SYNE1: variants seen among roughly 807,000 people sequenced by gnomAD.
SYNE1 encodes the protein spectrin repeat containing nuclear envelope protein 1.
In SYNE1, 616 loss-of-function variants were observed where a neutral mutation model predicts 1,111.0. The ratio of observed to expected loss-of-function variants is 0.55; its 90% confidence interval spans 0.52 to 0.59. The LOEUF (loss-of-function observed/expected upper bound fraction) is 0.59, where lower values mean the gene tolerates loss of function less well. Among genes scored for constraint, SYNE1 ranks in the 20% least tolerant of loss-of-function variants. The probability of loss-of-function intolerance (pLI) is 0.00; values close to 1 mark genes in which losing one functional copy is unlikely to be tolerated. For synonymous variants in SYNE1, 3,855 were observed against 3,825.8 expected (o/e 1.01, Z -0.28); for missense variants, 10,006 against 10,417.0 (o/e 0.96, Z 1.72).
At chr6:152,405,609 T>C (rs187121869) in intron 45 of SYNE1, among the ~76,000 whole-genome samples, 29 of 152,380 alleles carry the variant, frequency 1.9e-4, no homozygotes, top group Admixed American at 1.7e-3. Context: ...TAATAATGGT[T>C]GTTTTTAACA....
intron 82 of SYNE1, among the ~76,000 whole-genome samples, chr6:152,323,264 C>T (rs368645925): frequency 6.6e-5 from 10 of 152,110 alleles, no homozygotes; most frequent in African/African-American, 2.4e-4. Flanking sequence ...CGGTGAAACC[C>T]CGTCTCTACT....
intron 4 of SYNE1, among the ~76,000 whole-genome samples, chr6:152,539,210 T>C (rs79135724): frequency 0.03 from 4,597 of 152,262 alleles, 256 homozygotes; most frequent in African/African-American, 0.1. Flanking sequence ...ACTTCCACTA[T>C]ATAATCATAT....
In SYNE1 at chr6:152,207,969, T is replaced by C; in HGVS notation, c.22824+3A>G. On this transcript the variant is annotated splice_donor_region_variant and intron_variant, in intron 125 of 145. Coordinates refer to ENST00000367255, the MANE Select transcript of SYNE1 (RefSeq NM_182961.4). ...TGTGAGAACACTGTGTTTTGCATCT[T>C]ACCTGCACTTCATCAAAGAGGGTCC... The C allele has an allele frequency of 6.2e-7, 1 of 1,614,120 alleles. No homozygotes were observed. Among genetic ancestry groups the C allele is most frequent in the Non-Finnish European group, 8.5e-7 (1 of 1,179,962 alleles).
rs756229240 is a variant in SYNE1, at chr6:152,442,080, T to C, written c.4003A>G (p.Ile1335Val). 1 of 1,614,116 alleles carries C rather than the reference T, an allele frequency of 6.2e-7. No homozygotes were observed. The highest frequency in any genetic ancestry group is 1.1e-5 in the South Asian group (1 of 91,080). Residue 1335 changes from isoleucine to valine, a missense_variant, in exon 31 of 146, where the codon ATC (isoleucine) becomes GTC (valine). Ile to Val is a conservative substitution (Grantham distance 29). Around this residue, in one of 7 missense-constraint regions of SYNE1, gnomAD observed 1,971 missense variants for 2,084.1 expected, o/e 0.95. Coordinates refer to ENST00000367255, the MANE Select transcript of SYNE1 (RefSeq NM_182961.4). ...ERSRERQERR[I>V]QVTLRKWERF... ...CCCTAACTTCCGGCTCCTACCTGGATGCGGCGTTCCTGCCTCTCCCGGCTG... is the reference window on the plus strand; with the variant it reads ...CCCTAACTTCCGGCTCCTACCTGGACGCGGCGTTCCTGCCTCTCCCGGCTG...
chr6:152,155,820 C>A, intron 132 of SYNE1, 90 bp downstream of exon 132: 1 of 1,510,798 alleles, frequency 6.6e-7, no homozygotes, highest in South Asian at 1.2e-5. Flanking sequence ...TTGTAACGAA[C>A]AGGAAAGAGT....
At position 152,121,732 on chromosome 6, in the gene SYNE1, A is replaced by C. The variant is rs1429831383; in HGVS notation, c.*704T>G. On this transcript the variant is annotated 3_prime_UTR_variant, in exon 146 of 146. Coordinates refer to ENST00000367255, the MANE Select transcript of SYNE1 (RefSeq NM_182961.4). ...AAATGCAAAGAAATCAATACAAACA[A>C]AACTTGGCTTTAGCAAACTGTACAT... 1 of 152,286 alleles carries C rather than the reference A, an allele frequency of 6.6e-6. No individual in the cohort carries two copies. The highest frequency in any genetic ancestry group is 1.5e-5 in the Non-Finnish European group (1 of 68,042). 9.4% of individuals were successfully genotyped at this position (152,286 alleles called of 1,614,324 possible). A position where few individuals can be genotyped will look rare whatever the true frequency, so the allele number is the denominator to read the frequency against.
rs755075698 is a variant in SYNE1, at chr6:152,364,998, C to T, written c.9994G>A (p.Glu3332Lys). 16 of 1,614,218 alleles carry T rather than the reference C, an allele frequency of 9.9e-6. No individual in the cohort carries two copies. Among genetic ancestry groups the T allele is most frequent in the Middle Eastern group, 3.3e-4 (2 of 6,062 alleles). Residue 3332 changes from glutamate to lysine, a missense_variant, in exon 63 of 146, where the codon GAA (glutamate) becomes AAA (lysine). Physicochemically the swap from Glu to Lys is moderately conservative, Grantham distance 56. Transcript: ENST00000367255. ...ATCATTTTCATCTGAATCTCTTTTT[C>T]CTGTTTGACTGATAATAGAGCCTGT... ...KLEALLSVKQEKEIQMKMIVT... is the reference protein window; with the variant it reads ...KLEALLSVKQKKEIQMKMIVT...
At chr6:152,478,385 T>C (rs922228610) in intron 14 of SYNE1, 4 of 152,168 alleles carry the variant, frequency 2.6e-5, no homozygotes, top group African/African-American at 9.7e-5. Context: ...TGTATGTGGA[T>C]GAGTAAACTC....
chr6:152,609,831 G>A (rs920866651), intron 3 of SYNE1, among the ~76,000 whole-genome samples: 3 of 152,162 alleles, frequency 2.0e-5, no homozygotes, highest in African/African-American at 7.2e-5. Flanking sequence ...TCCAGCCTCT[G>A]CTGGTAAAAC....
At chr6:152,453,316 C>T in intron 25 of SYNE1, 1 of 599,106 alleles carries the variant, frequency 1.7e-6, no homozygotes, top group Non-Finnish European at 2.9e-6. Context: ...GTTAAATGTT[C>T]TTGCACCCTG....
chr6:152,294,218 T>G (rs533787920), intron 93 of SYNE1, 91 bp from the exon 94 acceptor site: 1 of 1,125,486 alleles, frequency 8.9e-7, no homozygotes, highest in African/African-American at 2.1e-5. Flanking sequence ...CAAGGAAAGG[T>G]TTCAGATCTA....
At chr6:152,585,284 C>A (rs962854027) in intron 3 of SYNE1, among the ~76,000 whole-genome samples, 1 of 152,202 alleles carries the variant, frequency 6.6e-6, no homozygotes, top group Non-Finnish European at 1.5e-5. Context: ...ATTACCCAGT[C>A]TCAGGTATGT....
intron 2 of SYNE1, among the ~76,000 whole-genome samples, chr6:152,634,797 C>CT (rs548149188): frequency 7.2e-5 from 11 of 152,352 alleles, no homozygotes; most frequent in Non-Finnish European, 1.6e-4. Flanking sequence ...CTGCAACCTT[C>CT]TTTTTTTCCC....
intron 104 of SYNE1, among the ~76,000 whole-genome samples, chr6:152,250,050 G>T (rs2153595238): frequency 6.6e-6 from 1 of 151,978 alleles, no homozygotes; most frequent in East Asian, 1.9e-4. Flanking sequence ...ATCACTTGAG[G>T]CCAGGAGTTC....
Position 152,387,174 on chromosome 6 carries a change from C to T in SYNE1, c.8385G>A (p.Ala2795=), listed in dbSNP as rs267600863. Residue 2795 remains alanine, a synonymous_variant, in exon 54 of 146, where the codon GCG becomes GCA. Transcript: ENST00000367255. The part of the protein sequence containing the change: ...DHTRALHRLI[A]KSRELYEKTE... ...TCTTTTCGTAGAGCTCCCTGGACTT[C>T]GCAATTAGACGGTGAAGGGCTCTCG... 12 of 1,614,006 alleles carry T rather than the reference C, an allele frequency of 7.4e-6. No homozygotes were observed. Among genetic ancestry groups the T allele is most frequent in the South Asian group, 4.4e-5 (4 of 91,090 alleles).
intron 3 of SYNE1, among the ~76,000 whole-genome samples, chr6:152,578,071 G>C (rs933337420): frequency 6.6e-6 from 1 of 151,374 alleles, no homozygotes. Flanking sequence ...AGCAAAAATG[G>C]TTTTTTTTGC....
chr6:152,480,323 C>T (rs1239970988), intron 14 of SYNE1, among the ~76,000 whole-genome samples: 54 of 151,994 alleles, frequency 3.6e-4, no homozygotes, highest in Non-Finnish European at 5.9e-5. Context: ...GAGTTCAAGG[C>T]CAGCCTGGCC....
At position 152,331,825 on chromosome 6, in the gene SYNE1, T is replaced by C; in HGVS notation, c.12860A>G (p.Glu4287Gly). ...ALKKLALALQERKYAIEDLKD... is the reference protein window; with the variant it reads ...ALKKLALALQGRKYAIEDLKD... ...CAGATCTTCAATAGCATACTTTCTC[T>C]CCTGCAATGCCAATGCTAACTTTTT... The change falls in exon 78 of 146, where the codon GAG (glutamate) becomes GGG (glycine). Residue 4287 changes from glutamate to glycine, a missense_variant. Physicochemically the swap from Glu to Gly is moderately conservative, Grantham distance 98. Around this residue, in one of 7 missense-constraint regions of SYNE1, gnomAD observed 4,955 missense variants for 5,017.2 expected, o/e 0.99. Coordinates refer to ENST00000367255, the MANE Select transcript of SYNE1 (RefSeq NM_182961.4). 6.2e-7 allele frequency: 1 copy of C among 1,614,088 alleles called. No homozygotes were observed.
intron 143 of SYNE1, among the ~76,000 whole-genome samples, chr6:152,132,919 G>C (rs749581758): frequency 6.6e-6 from 1 of 150,830 alleles, no homozygotes; most frequent in Non-Finnish European, 1.5e-5. Context: ...TCATGCCTGA[G>C]AGTGGTTAAA....
Sources: gnomAD v4.1 joint callset for allele counts (sites outside exome capture counted in the v4.1 genomes callset) on GRCh38, gnomAD v4.1.1 for gene constraint, gnomAD v4.1.1 regional missense constraint, MANE v1.5 for transcripts, NCBI Gene and HGNC (gene_info 2026-07-23, HGNC 2026-07-21) for gene names.